USP6: variants seen among roughly 807,000 people sequenced by gnomAD.
The protein encoded by USP6 is ubiquitin specific peptidase 6.
Under a neutral mutation model 175.7 loss-of-function variants are expected in USP6, and 128 were observed. The ratio of observed to expected loss-of-function variants is 0.73; its 90% CI spans 0.63 to 0.84. USP6 has a LOEUF of 0.84. Among genes scored for constraint, USP6 ranks in the 40% least tolerant of loss-of-function variants. The pLI is 0.00. For missense variants in USP6, 1,498 were observed against 1,760.3 expected, an observed-to-expected ratio of 0.85 and a Z score of 2.67; for synonymous variants, 562 against 630.6, an observed-to-expected ratio of 0.89 and a Z score of 1.63.
chr17:5,150,349 G>A (rs1188959237), intron 30 of USP6, among the ~76,000 whole-genome samples: 1 of 144,420 alleles, frequency 6.9e-6, no homozygotes, highest in Admixed American at 7.1e-5. Context: ...ATAAAGTAAA[G>A]GAAATTAGGG....
intron 37 of USP6, 119 bp from the exon 38 acceptor site, chr17:5,172,686 T>C: frequency 7.2e-7 from 1 of 1,393,034 alleles, no homozygotes. Flanking sequence ...GCCAAACTAG[T>C]GAGCTTATTG....
In USP6 at chr17:5,172,899, A is replaced by G; in HGVS notation, c.4142A>G (p.Asp1381Gly). 1.2e-6 allele frequency: 2 copies of G among 1,613,976 alleles called. No individual in the cohort carries two copies. The highest frequency in any genetic ancestry group is 1.7e-6 in the Non-Finnish European group (2 of 1,179,870). Residue 1381 changes from aspartate (D) to glycine (G), a missense_variant, in exon 38 of 38, where the codon GAT becomes GGT. Transcript: ENST00000574788. Reference protein sequence around the residue: ...IDYAQFLPKIDGKKMADTSST... With the variant: ...IDYAQFLPKIGGKKMADTSST... ...TACGCACAATTTCTGCCAAAGATTGATGGCAAAAAGATGGCAGACACAAGC... is the reference window on the plus strand; with the variant it reads ...TACGCACAATTTCTGCCAAAGATTGGTGGCAAAAAGATGGCAGACACAAGC...
chr17:5,130,337 G>A (rs1302039111), intron 9 of USP6, 30 bp from the exon 10 acceptor site: 3 of 1,613,004 alleles, frequency 1.9e-6, no homozygotes, highest in South Asian at 1.1e-5. Context: ...GTCGGGTACA[G>A]TGTAACCTTT....
intron 7 of USP6, among the ~76,000 whole-genome samples, chr17:5,128,076 T>C (rs1304984866): frequency 6.6e-6 from 1 of 152,208 alleles, no homozygotes; most frequent in Non-Finnish European, 1.5e-5. Flanking sequence ...CTGGACGCCC[T>C]GTCTCAGGAC....
chr17:5,150,311 TAAA>T (rs2144036962), intron 30 of USP6, among the ~76,000 whole-genome samples: 1 of 147,712 alleles, frequency 6.8e-6, no homozygotes, highest in South Asian at 2.1e-4. Context: ...AATAAATAAA[TAAA>T]TAAATAAATA....
rs1231171163 is a variant in USP6, at chr17:5,174,131, T to A, written c.*1153T>A. The A allele has an allele frequency of 6.0e-5, 12 of 199,938 alleles. No homozygotes were observed. The highest frequency in any genetic ancestry group is 3.6e-4 in the Admixed American group (6 of 16,584). 12.4% of individuals were successfully genotyped at this position (199,938 alleles called of 1,614,324 possible). A position where few individuals can be genotyped will look rare whatever the true frequency, so the allele number is the denominator to read the frequency against. On this transcript the variant is annotated 3_prime_UTR_variant, in exon 38 of 38. Coordinates refer to ENST00000574788, the MANE Select transcript of USP6 (RefSeq NM_001304284.2). ...TTTTATTTTGATATTTGTCTTTTTT[T>A]AAATTTTACAGTAGTCATTGAAAGT...
chr17:5,132,141 G>A lies in USP6; in HGVS notation c.156-255G>A. ...GTCCAGGATGGGCAGCCCCACTGTG[G>A]CCTGACCACCCCCCATGCCAGGGGC... On this transcript the variant is annotated intron_variant, in intron 11 of 37. Transcript: ENST00000574788. This position sits in a 1 kb window ranked among gnomAD's most constrained non-coding sequence, Gnocchi z 4.7. 7.2e-7 allele frequency: 1 copy of A among 1,386,538 alleles called. No individual in the cohort carries two copies. Among genetic ancestry groups the A allele is most frequent in the Non-Finnish European group, 9.7e-7 (1 of 1,034,346 alleles). 85.9% of individuals were successfully genotyped at this position (1,386,538 alleles called of 1,614,324 possible). A position where few individuals can be genotyped will look rare whatever the true frequency, so the allele number is the denominator to read the frequency against.
At chr17:5,163,074 C>A in intron 33 of USP6, 70 bp downstream of exon 33, 1 of 1,473,794 alleles carries the variant, frequency 6.8e-7, no homozygotes, top group Non-Finnish European at 9.0e-7. Context: ...AACTATTATG[C>A]CATTTCTGTT....
chr17:5,140,010 A>ATG (rs1447734900), intron 22 of USP6, among the ~76,000 whole-genome samples: 28 of 152,246 alleles, frequency 1.8e-4, no homozygotes, highest in Non-Finnish European at 2.9e-5. Context: ...CAGATGGAAC[A>ATG]CACCAGCCCC....
In USP6 at chr17:5,132,954, G is replaced by A. The variant is rs140991770; in HGVS notation, c.240G>A (p.Met80Ile). The A allele has an allele frequency of 5.6e-6, 9 of 1,614,090 alleles. No individual in the cohort carries two copies. The South Asian group carries it at 8.8e-5, about 16-fold the overall frequency. ...EMTRTSKWMEMLGEWETYKHS... is the reference protein window; with the variant it reads ...EMTRTSKWMEILGEWETYKHS... The stretch of plus-strand genomic sequence containing the variant: ...CACGAACGAGCAAGTGGATGGAAAT[G>A]CTGGGAGAATGGGAGACATATAAGC... The change falls in exon 13 of 38, where the codon ATG becomes ATA. Residue 80 changes from methionine to isoleucine, a missense_variant. Physicochemically the swap from Met to Ile is conservative, Grantham distance 10. Transcript: ENST00000574788. The surrounding 1 kb of genome is among the most constrained non-coding windows in gnomAD (Gnocchi z 4.7).
intron 33 of USP6, 132 bp downstream of exon 33, chr17:5,163,136 C>T: frequency 3.0e-6 from 4 of 1,324,666 alleles, no homozygotes; most frequent in Non-Finnish European, 3.0e-6. Flanking sequence ...TCTATGGCAC[C>T]TAATATATTG....
rs750938677 is a variant in USP6, at chr17:5,148,731, C to G, written c.2607C>G (p.Pro869=). ...ACATGCCATCTCTTCCTGACAGCCC[C>G]TTTACAGGTTACATCATTGCAGTCC... is the stretch of plus-strand genomic sequence containing the variant. The part of the protein sequence containing the change: ...NGHMPSLPDS[P]FTGYIIAVHR... Residue 869 remains proline, a synonymous_variant, in exon 30 of 38, where the codon CCC becomes CCG. Coordinates refer to ENST00000574788, the MANE Select transcript of USP6 (RefSeq NM_001304284.2). 1 of 1,613,834 alleles carries G rather than the reference C, an allele frequency of 6.2e-7. No individual in the cohort carries two copies. Among genetic ancestry groups the G allele is most frequent in the South Asian group, 1.1e-5 (1 of 91,062 alleles).
chr17:5,136,092 C>T (rs923129194), intron 17 of USP6, among the ~76,000 whole-genome samples, 164 bp downstream of exon 17: 2 of 152,228 alleles, frequency 1.3e-5, no homozygotes, highest in African/African-American at 4.8e-5. Context: ...CGCAGCTGAC[C>T]CCCACAACCC....
chr17:5,173,537 C>A lies in USP6; in HGVS notation c.*559C>A. 4.6e-6 allele frequency: 1 copy of A among 218,582 alleles called. No individual in the cohort carries two copies. 13.5% of individuals were successfully genotyped at this position (218,582 alleles called of 1,614,324 possible). A position where few individuals can be genotyped will look rare whatever the true frequency, so the allele number is the denominator to read the frequency against. On this transcript the variant is annotated 3_prime_UTR_variant, in exon 38 of 38. Transcript: ENST00000574788. ...GTTTCCATACCCTTTCTTTTTCTTG[C>A]TTTTTGTTTTTGCCATTGTGTTTAC... is the stretch of plus-strand genomic sequence containing the variant.
At position 5,120,796 on chromosome 17, in the gene USP6, G is replaced by C. The variant is rs2072636498; in HGVS notation, c.-1675+8G>C. 2.2e-6 allele frequency: 1 copy of C among 449,884 alleles called. No homozygotes were observed. The highest frequency in any genetic ancestry group is 2.4e-5 in the Admixed American group (1 of 42,396). The allele number at this position is 449,884 out of a possible 1,614,324, so 27.9% of individuals were successfully genotyped here. A position where few individuals can be genotyped will look rare whatever the true frequency, so the allele number is the denominator to read the frequency against. ...GGCTGTTTCTTCAGCATGGTGGGTG[G>C]CCATATGTAAGCAGGTGTGCACACA... On this transcript the variant is annotated splice_region_variant and intron_variant, in intron 3 of 37. Transcript: ENST00000574788.
rs755717797 is a variant in USP6, at chr17:5,173,012, C to T, written c.*34C>T. 1.2e-5 allele frequency: 19 copies of T among 1,601,662 alleles called. No homozygotes were observed. Among genetic ancestry groups the T allele is most frequent in the East Asian group, 4.5e-5 (2 of 44,524 alleles). ...CTCTGGCTGCTAGACAGCTTGGTGG[C>T]GAGGGAGATGACTCCTTGTAGCTGA... On this transcript the variant is annotated 3_prime_UTR_variant, in exon 38 of 38. Transcript: ENST00000574788.
intron 31 of USP6, among the ~76,000 whole-genome samples, chr17:5,158,569 AAGAGAGAGAGGGAGAGAGAGAGAGAG>A (rs2073934343): frequency 7.4e-6 from 1 of 135,904 alleles, no homozygotes; most frequent in Non-Finnish European, 1.6e-5. Context: ...TCTGTCTCAA[AAGAGAGAGAGGGAGAGAGAGAGAGAG>A]AGAGAGAGAG....
At chr17:5,140,954 A>AT (rs1329039627) in intron 22 of USP6, among the ~76,000 whole-genome samples, 3 of 152,152 alleles carry the variant, frequency 2.0e-5, no homozygotes, top group South Asian at 2.1e-4. Context: ...AATTTCTTAA[A>AT]TTTTTTTAAG....
chr17:5,164,232 G>A (rs1238491902), intron 33 of USP6, among the ~76,000 whole-genome samples: 1 of 152,148 alleles, frequency 6.6e-6, no homozygotes, highest in Non-Finnish European at 1.5e-5. Context: ...GGAGGACTGG[G>A]GAAACTACCA....
Sources: gnomAD v4.1 joint callset for allele counts (sites outside exome capture counted in the v4.1 genomes callset) on GRCh38, gnomAD v4.1.1 for gene constraint, Gnocchi (gnomAD v3.1) non-coding constraint, MANE v1.5 for transcripts, NCBI Gene and HGNC (gene_info 2026-07-23, HGNC 2026-07-21) for gene names.